ASPG: variants seen among roughly 807,000 people sequenced by gnomAD.
The protein encoded by ASPG is 60 kDa lysophospholipase.
In ASPG, 53 loss-of-function variants were observed where a neutral mutation model predicts 63.2. That is an observed-to-expected ratio of 0.84 (90% CI 0.67 to 1.05). ASPG has a LOEUF of 1.05. Ranked by LOEUF, ASPG falls within the 50% of genes least tolerant of loss-of-function variation. ASPG has a pLI of 0.00. For synonymous variants in ASPG, 370 were observed against 355.0 expected (o/e 1.04, Z -0.48); for missense variants, 741 against 794.4 (o/e 0.93, Z 0.81).
intron 1 of ASPG, among the ~76,000 whole-genome samples, chr14:104,087,315 T>C (rs965819768): frequency 2.6e-5 from 4 of 152,226 alleles, no homozygotes; most frequent in African/African-American, 4.8e-5. Flanking sequence ...ACACAATTCC[T>C]GTGCTTGGCC....
In ASPG at chr14:104,097,551, C is replaced by A. The variant is rs1265596023; in HGVS notation, c.430-3C>A. On this transcript the variant is annotated splice_region_variant and splice_polypyrimidine_tract_variant and intron_variant, in intron 4 of 15. Coordinates refer to ENST00000551177, the MANE Select transcript of ASPG (RefSeq NM_001080464.3). ...CTCAGCTACTCCGTGGCCTCTCCCC[C>A]AGGTGCCCATCCATGCCCTGTGGAG... 2 of 1,551,962 alleles carry A rather than the reference C, an allele frequency of 1.3e-6. No individual in the cohort carries two copies. Among genetic ancestry groups the A allele is most frequent in the Non-Finnish European group, 1.7e-6 (2 of 1,147,952 alleles).
intron 5 of ASPG, among the ~76,000 whole-genome samples, chr14:104,098,207 GTTAGAGATACGTATGGAGGTTTTACA>G (rs1357050680): frequency 1.3e-5 from 2 of 151,756 alleles, no homozygotes; most frequent in Non-Finnish European, 2.9e-5. Flanking sequence ...GAGGTTTTAC[GTTAGAGATACGTATGGAGGTTTTACA>G]TTAGAGATAG....
In ASPG at chr14:104,092,648, CGGGCCT is replaced by C; in HGVS notation, c.101_106del (p.Gly34_Leu35del). The C allele has an allele frequency of 1.3e-5, 20 of 1,536,126 alleles. No homozygotes were observed. The highest frequency in any genetic ancestry group is 1.7e-5 in the Non-Finnish European group (20 of 1,147,216). ...CTGCCTGCAGTGCTTGTGCCCGGGA[CGGGCCT>C]GGCTGCCATCCTGAGGACACTGCCC... On this transcript the variant is annotated inframe_deletion, in exon 2 of 16. Transcript: ENST00000551177.
Position 104,091,236 on chromosome 14 carries a change from G to A in ASPG, c.83-1397G>A, listed in dbSNP as rs1228702844. Among the ~76,000 whole-genome samples, 1 of 151,896 alleles carries A rather than the reference G, an allele frequency of 6.6e-6. No individual in the cohort carries two copies. The highest frequency in any genetic ancestry group is 1.5e-5 in the Non-Finnish European group (1 of 67,992). ...GACAGGGACACTTGGACACCGGTGT[G>A]GGGTGGACCCTGAGCCCCCTGGATG... On this transcript the variant is annotated intron_variant, in intron 1 of 15. Coordinates refer to ENST00000551177, the MANE Select transcript of ASPG (RefSeq NM_001080464.3). This position sits in a 1 kb window ranked among gnomAD's most constrained non-coding sequence, Gnocchi z 6.4.
In ASPG at chr14:104,109,154, C is replaced by T; in HGVS notation, c.1434-75C>T. On this transcript the variant is annotated intron_variant, in intron 12 of 15. Coordinates refer to ENST00000551177, the MANE Select transcript of ASPG (RefSeq NM_001080464.3). This position sits in a 1 kb window ranked among gnomAD's most constrained non-coding sequence, Gnocchi z 4.8. ...CGTCCCTGTGCACAGGACATGAGCT[C>T]TGCTGGCTCCTGAGTGAGGTGCAGC... is the stretch of plus-strand genomic sequence containing the variant. 1 of 1,576,320 alleles carries T rather than the reference C, an allele frequency of 6.3e-7. No individual in the cohort carries two copies.
At chr14:104,108,498 T>G (rs1004468099) in intron 12 of ASPG, 1 of 985,238 alleles carries the variant, frequency 1.0e-6, no homozygotes, top group African/African-American at 1.7e-5. Flanking sequence ...GAGTGGGGTA[T>G]GGGGAGGCCA....
rs7151733 is a variant in ASPG at position 104,105,457 on chromosome 14, G to C, written c.1173+7G>C. The C allele has an allele frequency of 1.5e-3, 2,393 of 1,576,902 alleles. 39 individuals are homozygous for C. The African/African-American group carries it at 0.028, about 18-fold the overall frequency. ...CAGTCTGAGCGGCAGCCAGGTAATGGCGTGGGACACGGGCCTGAGTGGCAG... is the reference window on the plus strand; with the variant it reads ...CAGTCTGAGCGGCAGCCAGGTAATGCCGTGGGACACGGGCCTGAGTGGCAG... On this transcript the variant is annotated splice_region_variant and intron_variant, in intron 10 of 15. Coordinates refer to ENST00000551177, the MANE Select transcript of ASPG (RefSeq NM_001080464.3).
chr14:104,113,095 C>T lies in ASPG; in HGVS notation c.*551C>T. The T allele has an allele frequency of 5.5e-6, 1 of 182,846 alleles. No individual in the cohort carries two copies. The highest frequency in any genetic ancestry group is 1.2e-5 in the Non-Finnish European group (1 of 86,640). 11.3% of individuals were successfully genotyped at this position (182,846 alleles called of 1,614,324 possible). On this transcript the variant is annotated 3_prime_UTR_variant, in exon 16 of 16. Transcript: ENST00000551177. ...AGTCCTCACAGTCCCGTCCCAGTTG[C>T]TGTCTGGTTTTCTGTCACCCCAGTA...
Position 104,114,105 on chromosome 14 carries a change from CT to C in ASPG, c.*1562del, listed in dbSNP as rs999654208. The C allele has an allele frequency of 2.0e-5, 3 of 152,248 alleles. No homozygotes were observed. Among genetic ancestry groups the C allele is most frequent in the Admixed American group, 6.5e-5 (1 of 15,290 alleles). 9.4% of individuals were successfully genotyped at this position (152,248 alleles called of 1,614,324 possible). ...CAGCTCCTGAGGGGCTGGGCAGAGCCTGTTGCTCACGCCACCCCACTCAGTG... is the reference window on the plus strand; with the variant it reads ...CAGCTCCTGAGGGGCTGGGCAGAGCCGTTGCTCACGCCACCCCACTCAGTG... On this transcript the variant is annotated 3_prime_UTR_variant, in exon 16 of 16. Transcript: ENST00000551177.
rs2037412035 is a variant in ASPG at position 104,112,532 on chromosome 14, G to T, written c.1710G>T (p.Leu570=). The T allele has an allele frequency of 2.0e-6, 3 of 1,524,168 alleles. No homozygotes were observed. The allele number at this position is 1,524,168 out of a possible 1,614,324, so 94.4% of individuals were successfully genotyped here. ...AGCCCTCATGTTTTCAGGAAGTGCTGCCTGGTGTCTAACCTGAAGGCGTCC... is the reference window on the plus strand; with the variant it reads ...AGCCCTCATGTTTTCAGGAAGTGCTTCCTGGTGTCTAACCTGAAGGCGTCC... ...VGAQAPCPEV[L]PGV The change falls in exon 16 of 16, where the codon CTG becomes CTT. Residue 570 remains leucine, a synonymous_variant. Coordinates refer to ENST00000551177, the MANE Select transcript of ASPG (RefSeq NM_001080464.3).
chr14:104,093,677 G>A (rs1378488417), intron 3 of ASPG, 75 bp downstream of exon 3: 135 of 1,065,000 alleles, frequency 1.3e-4, no homozygotes, highest in Middle Eastern at 3.3e-4. Context: ...GGGCTGTGGT[G>A]TGTGGGTGGG....
chr14:104,096,874 C>T (rs1249241762), intron 4 of ASPG, among the ~76,000 whole-genome samples: 1 of 152,218 alleles, frequency 6.6e-6, no homozygotes, highest in East Asian at 1.9e-4. Flanking sequence ...TCTGACTGAC[C>T]ACTTCCCGGC....
At chr14:104,107,121 A>G (rs1380148886) in intron 11 of ASPG, 61 bp from the exon 12 acceptor site, 2 of 1,516,114 alleles carry the variant, frequency 1.3e-6, no homozygotes, top group Non-Finnish European at 1.8e-6. Context: ...CACCCTCCCC[A>G]TGGCCTACCT....
At chr14:104,099,400 T>C (rs765467954) in intron 6 of ASPG, among the ~76,000 whole-genome samples, 5 of 152,110 alleles carry the variant, frequency 3.3e-5, no homozygotes, top group Non-Finnish European at 7.4e-5. Context: ...GCCATCCTTG[T>C]GGGGCTGACT....
At chr14:104,090,277 C>A (rs1446814608) in intron 1 of ASPG, among the ~76,000 whole-genome samples, 10 of 152,218 alleles carry the variant, frequency 6.6e-5, no homozygotes. Flanking sequence ...GGAAGCTGTT[C>A]CCCCACATGA....
At chr14:104,087,346 G>T (rs1596058314) in intron 1 of ASPG, among the ~76,000 whole-genome samples, 1 of 152,368 alleles carries the variant, frequency 6.6e-6, no homozygotes, top group Admixed American at 6.5e-5. Context: ...AGAGAGAGAG[G>T]CTGCCATTGA....
At position 104,105,309 on chromosome 14, in the gene ASPG, C is replaced by T; in HGVS notation, c.1051-19C>T. ...ATCCAGCCCTGGCAGAGCCACTTCA[C>T]CTCTGTTCTCTCCACCAGCTGCTGA... On this transcript the variant is annotated intron_variant, in intron 9 of 15. Transcript: ENST00000551177. 6.2e-7 allele frequency: 1 copy of T among 1,612,594 alleles called. No individual in the cohort carries two copies. Among genetic ancestry groups the T allele is most frequent in the Non-Finnish European group, 8.5e-7 (1 of 1,179,744 alleles).
At position 104,110,706 on chromosome 14, in the gene ASPG, G is replaced by C. The variant is rs749070383; in HGVS notation, c.1521-796G>C. 1.4e-5 allele frequency: 14 copies of C among 985,282 alleles called. No individual in the cohort carries two copies. Among genetic ancestry groups the C allele is most frequent in the Non-Finnish European group, 1.7e-5 (14 of 829,852 alleles). The allele number at this position is 985,282 out of a possible 1,614,324, so 61.0% of individuals were successfully genotyped here. A position where few individuals can be genotyped will look rare whatever the true frequency, so the allele number is the denominator to read the frequency against. On this transcript the variant is annotated intron_variant, in intron 13 of 15. Coordinates refer to ENST00000551177, the MANE Select transcript of ASPG (RefSeq NM_001080464.3). The surrounding 1 kb of genome is among the most constrained non-coding windows in gnomAD (Gnocchi z 4.7). ...CCTGGGTAGGCGCAGAGTCCCTAAG[G>C]GCCCTCCAGAGGAGGGGGCAGCCCC...
intron 1 of ASPG, among the ~76,000 whole-genome samples, chr14:104,088,174 G>C (rs2036270216): frequency 6.6e-6 from 1 of 152,210 alleles, no homozygotes; most frequent in Non-Finnish European, 1.5e-5. Context: ...GTGGGCTCTG[G>C]CCTTCCCTGG....
Sources: gnomAD v4.1 joint callset for allele counts (sites outside exome capture counted in the v4.1 genomes callset) on GRCh38, gnomAD v4.1.1 for gene constraint, Gnocchi (gnomAD v3.1) non-coding constraint, MANE v1.5 for transcripts, NCBI Gene and HGNC (gene_info 2026-07-23, HGNC 2026-07-21) for gene names.